TSPAN7: variants seen among roughly 807,000 people sequenced by gnomAD.
TSPAN7 encodes the protein tetraspanin-7.
TSPAN7 carries 1 observed loss-of-function variant against 17.6 expected under a neutral mutation model. That is an observed-to-expected ratio of 0.06 (90% confidence interval 0.02 to 0.27). The LOEUF (loss-of-function observed/expected upper bound fraction) is 0.27, where lower values mean the gene tolerates loss of function less well. TSPAN7 is among the 10% of genes least tolerant of loss of function. The pLI is 1.00. For missense variants in TSPAN7, 112 were observed against 201.7 expected, an observed-to-expected ratio of 0.56 and a Z score of 2.69; for synonymous variants, 78 against 79.0, an observed-to-expected ratio of 0.99 and a Z score of 0.07.
intron 1 of TSPAN7, among the ~76,000 whole-genome samples, chrX:38,584,181 C>G (rs1025084229): frequency 9.1e-6 from 1 of 109,819 alleles, no homozygotes; most frequent in African/African-American, 3.3e-5. Flanking sequence ...TCTCGATTTC[C>G]TGACCTCATG....
chrX:38,658,597 T>G (rs747784331), intron 1 of TSPAN7, among the ~76,000 whole-genome samples: 1 of 111,916 alleles, frequency 8.9e-6, no homozygotes, highest in East Asian at 2.8e-4. Context: ...TGCTGTCCCC[T>G]GTCTTCCAGC....
At chrX:38,590,616 G>A (rs888183790) in intron 1 of TSPAN7, among the ~76,000 whole-genome samples, 1 of 111,374 alleles carries the variant, frequency 9.0e-6, no homozygotes, top group Non-Finnish European at 1.9e-5. Context: ...ATCAATTCAG[G>A]TTGTCTGGGG....
At chrX:38,629,948 G>T (rs188227933) in intron 1 of TSPAN7, among the ~76,000 whole-genome samples, 1 of 111,681 alleles carries the variant, frequency 9.0e-6, no homozygotes, top group Non-Finnish European at 1.9e-5. Flanking sequence ...TCTAAAATTG[G>T]CCTAATTGTA....
intron 1 of TSPAN7, among the ~76,000 whole-genome samples, chrX:38,595,653 CA>C (rs771106914): frequency 8.9e-6 from 1 of 112,248 alleles, no homozygotes; most frequent in East Asian, 2.8e-4. Context: ...CAGCTATGAA[CA>C]GTCCTCAAGT....
intron 5 of TSPAN7, among the ~76,000 whole-genome samples, chrX:38,678,922 C>T (rs2069872119): frequency 9.0e-6 from 1 of 111,702 alleles, no homozygotes; most frequent in Non-Finnish European, 1.9e-5. Flanking sequence ...TTGGCAGATT[C>T]TGATTCAGTA....
At chrX:38,592,693 T>C (rs1251339970) in intron 1 of TSPAN7, among the ~76,000 whole-genome samples, 1 of 111,240 alleles carries the variant, frequency 9.0e-6, no homozygotes, top group African/African-American at 3.3e-5. Context: ...AGCCTTTTTT[T>C]CTATTGTTTA....
intron 5 of TSPAN7, among the ~76,000 whole-genome samples, chrX:38,680,210 G>A (rs924107359): frequency 9.0e-6 from 1 of 110,964 alleles, no homozygotes; most frequent in Non-Finnish European, 1.9e-5. Context: ...AATGTATATA[G>A]ATACCACTTA....
chrX:38,687,832 G>A, intron 7 of TSPAN7, 107 bp from the exon 8 acceptor site: 1 of 383,515 alleles, frequency 2.6e-6, no homozygotes, highest in Non-Finnish European at 4.5e-6. Context: ...TGGGAAGGAA[G>A]TATAATTGGT....
At chrX:38,571,480 T>C (rs2069169250) in intron 1 of TSPAN7, among the ~76,000 whole-genome samples, 1 of 111,408 alleles carries the variant, frequency 9.0e-6, no homozygotes. Flanking sequence ...TTGAGCCTCC[T>C]GGATCTGCAG....
chrX:38,663,432 A>G (rs2069761998), intron 1 of TSPAN7, among the ~76,000 whole-genome samples: 1 of 112,067 alleles, frequency 8.9e-6, no homozygotes, highest in South Asian at 3.7e-4. Flanking sequence ...GTGATAAAAG[A>G]CTACACATTG....
intron 1 of TSPAN7, among the ~76,000 whole-genome samples, chrX:38,601,506 G>A (rs2069346869): frequency 9.0e-6 from 1 of 111,625 alleles, no homozygotes; most frequent in African/African-American, 3.3e-5. Flanking sequence ...TATGGAAATT[G>A]GCATAAACCA....
chrX:38,593,259 C>T (rs2147406836), intron 1 of TSPAN7, among the ~76,000 whole-genome samples: 1 of 110,315 alleles, frequency 9.1e-6, no homozygotes, highest in Admixed American at 9.7e-5. Context: ...GTTTGTTGAG[C>T]TTCTTGAATA....
chrX:38,680,326 A>G (rs953831030), intron 5 of TSPAN7, among the ~76,000 whole-genome samples: 2 of 110,654 alleles, frequency 1.8e-5, no homozygotes, highest in Admixed American at 1.9e-4. Context: ...TTTTTTCTTC[A>G]AATGTTATTA....
intron 2 of TSPAN7, among the ~76,000 whole-genome samples, chrX:38,669,106 TC>T (rs2069803643): frequency 9.0e-6 from 1 of 111,332 alleles, no homozygotes; most frequent in Admixed American, 9.6e-5. Context: ...TTTAGAATGT[TC>T]CCACCACAAA....
chrX:38,652,262 C>G (rs1451628275), intron 1 of TSPAN7, among the ~76,000 whole-genome samples: 1 of 111,890 alleles, frequency 8.9e-6, no homozygotes, highest in Non-Finnish European at 1.9e-5. Context: ...CAAAGGCTAG[C>G]CAATTAGCTA....
chrX:38,615,223 C>A (rs1448834943), intron 1 of TSPAN7, among the ~76,000 whole-genome samples: 2 of 111,641 alleles, frequency 1.8e-5, no homozygotes, highest in Non-Finnish European at 3.8e-5. Flanking sequence ...GCTTTCTAAG[C>A]ATGGCTGCTT....
intron 1 of TSPAN7, among the ~76,000 whole-genome samples, chrX:38,665,824 G>A (rs1205452730): frequency 1.8e-5 from 2 of 111,880 alleles, no homozygotes; most frequent in African/African-American, 6.5e-5. Context: ...CCTGTCGTAT[G>A]ATGTGCTTTG....
intron 1 of TSPAN7, among the ~76,000 whole-genome samples, chrX:38,657,269 G>A (rs1469864201): frequency 8.9e-6 from 1 of 111,768 alleles, no homozygotes; most frequent in Non-Finnish European, 1.9e-5. Flanking sequence ...GTAGTAAAAG[G>A]CTCTCTTAAC....
At chrX:38,662,717 G>T (rs1327604004) in intron 1 of TSPAN7, among the ~76,000 whole-genome samples, 1 of 111,452 alleles carries the variant, frequency 9.0e-6, no homozygotes, top group Non-Finnish European at 1.9e-5. Flanking sequence ...GAACCATATA[G>T]AGTGGAGTTC....
Sources: gnomAD v4.1 joint callset for allele counts (sites outside exome capture counted in the v4.1 genomes callset) on GRCh38, gnomAD v4.1.1 for gene constraint, MANE v1.5 for transcripts, NCBI Gene and HGNC (gene_info 2026-07-23, HGNC 2026-07-21) for gene names.